Variants in ZNF418 observed in about 807,000 individuals in gnomAD.
The protein encoded by ZNF418 is zinc finger protein 418.
ZNF418 carries 32 observed loss-of-function variants against 32.0 expected under a neutral mutation model. The ratio of observed to expected loss-of-function variants is 1.00; its 90% CI spans 0.75 to 1.34. The LOEUF (loss-of-function observed/expected upper bound fraction) is 1.34. ZNF418 is among the 40% of genes most tolerant of loss of function. The probability of loss-of-function intolerance (pLI) is 0.00; values close to 1 mark genes in which losing one functional copy is unlikely to be tolerated. For missense variants in ZNF418, 804 were observed against 812.5 expected, an observed-to-expected ratio of 0.99 and a Z score of 0.13; for synonymous variants, 276 against 270.7, an observed-to-expected ratio of 1.02 and a Z score of -0.19.
Position 57,925,843 on chromosome 19 carries a change from A to G in ZNF418, c.*307T>C. The stretch of plus-strand genomic sequence containing the variant: ...ATGCTGAAGGTATGTCAATTTAGGC[A>G]GATGGCTCCGTCATAAGGCATCTCC... On this transcript the variant is annotated 3_prime_UTR_variant, in exon 4 of 6. Coordinates refer to ENST00000396147, the MANE Select transcript of ZNF418 (RefSeq NM_133460.3). 1 of 292,468 alleles carries G rather than the reference A, an allele frequency of 3.4e-6. No individual in the cohort carries two copies. The highest frequency in any genetic ancestry group is 6.0e-5 in the East Asian group (1 of 16,732). 18.1% of individuals were successfully genotyped at this position (292,468 alleles called of 1,614,324 possible). A position where few individuals can be genotyped will look rare whatever the true frequency, so the allele number is the denominator to read the frequency against.
intron 4 of ZNF418, among the ~76,000 whole-genome samples, chr19:57,925,095 C>T (rs1274577433): frequency 6.6e-6 from 1 of 152,070 alleles, no homozygotes; most frequent in Non-Finnish European, 1.5e-5. Context: ...AACAATAAGG[C>T]CTTATTCATT....
At position 57,926,637 on chromosome 19, in the gene ZNF418, C is replaced by A; in HGVS notation, c.1544G>T (p.Cys515Phe). Residue 515 changes from cysteine to phenylalanine, a missense_variant, in exon 4 of 6, where the codon TGT (cysteine) becomes TTT (phenylalanine). Around this residue, in one of 3 missense-constraint regions of ZNF418, gnomAD observed 475 missense variants for 458.6 expected, o/e 1.04. Transcript: ENST00000396147. ...ACAGCTTTGAGGAAATGACTTCCCA[C>A]ATTCACTACACTCAAACGGTTTTTC... ...TGEKPFECSE[C>F]GKSFPQSCSL... 6.2e-7 allele frequency: 1 copy of A among 1,614,162 alleles called. No homozygotes were observed. The highest frequency in any genetic ancestry group is 8.5e-7 in the Non-Finnish European group (1 of 1,180,024).
At chr19:57,929,849 A>AT (rs758966766) in intron 3 of ZNF418, among the ~76,000 whole-genome samples, 56 of 152,014 alleles carry the variant, frequency 3.7e-4, no homozygotes, top group Non-Finnish European at 6.2e-4. Context: ...CGCCCAGCTA[A>AT]TTTTTTTGTA....
chr19:57,934,521 A>G (rs1045683714), intron 1 of ZNF418, among the ~76,000 whole-genome samples: 28 of 152,096 alleles, frequency 1.8e-4, no homozygotes, highest in Non-Finnish European at 4.0e-4. Flanking sequence ...CGACCCCCTC[A>G]GTGGGTTCTT....
At chr19:57,932,015 C>T (rs2072507220) in intron 2 of ZNF418, among the ~76,000 whole-genome samples, 1 of 152,226 alleles carries the variant, frequency 6.6e-6, no homozygotes, top group Non-Finnish European at 1.5e-5. Context: ...AAATAACTCA[C>T]AGCCTGGCAG....
chr19:57,928,053 A>C lies in ZNF418; in HGVS notation c.134-6T>G, dbSNP rs369866490. 8 of 1,521,144 alleles carry C rather than the reference A, an allele frequency of 5.3e-6. No individual in the cohort carries two copies. The highest frequency in any genetic ancestry group is 7.1e-6 in the Non-Finnish European group (8 of 1,133,052). 94.2% of individuals were successfully genotyped at this position (1,521,144 alleles called of 1,614,324 possible). A position where few individuals can be genotyped will look rare whatever the true frequency, so the allele number is the denominator to read the frequency against. ...TTCTGATCCACACCAACAACCTGAA[A>C]GCAAGAAAATGCTGATGAATTCAAG... On this transcript the variant is annotated splice_region_variant and splice_polypyrimidine_tract_variant and intron_variant, in intron 3 of 5. Transcript: ENST00000396147.
At chr19:57,923,535 T>C (rs1442532420) in intron 4 of ZNF418, among the ~76,000 whole-genome samples, 5 of 131,282 alleles carry the variant, frequency 3.8e-5, no homozygotes, top group Non-Finnish European at 4.9e-5. Flanking sequence ...TACATATATA[T>C]ACATACACAC....
intron 3 of ZNF418, among the ~76,000 whole-genome samples, chr19:57,928,866 C>T (rs1347485637): frequency 5.3e-5 from 8 of 151,924 alleles, no homozygotes; most frequent in Admixed American, 2.6e-4. Context: ...TGGTGGCGGG[C>T]GCCTGTAGTC....
Position 57,926,665 on chromosome 19 carries a change from C to T in ZNF418, c.1516G>A (p.Gly506Arg). The T allele has an allele frequency of 3.1e-6, 5 of 1,614,012 alleles. No homozygotes were observed. Among genetic ancestry groups the T allele is most frequent in the Non-Finnish European group, 4.2e-6 (5 of 1,180,014 alleles). ...TCACTACACTCAAACGGTTTTTCTC[C>T]AGTGTGAACTCTCTGATGAACACGA... Reference protein sequence around the residue: ...GFRVHQRVHTGEKPFECSECG... With the variant: ...GFRVHQRVHTREKPFECSECG... Residue 506 changes from glycine (G) to arginine (R), a missense_variant, in exon 4 of 6, where the codon GGA becomes AGA. Around this residue, in one of 3 missense-constraint regions of ZNF418, gnomAD observed 475 missense variants for 458.6 expected, o/e 1.04. Coordinates refer to ENST00000396147, the MANE Select transcript of ZNF418 (RefSeq NM_133460.3).
intron 3 of ZNF418, among the ~76,000 whole-genome samples, chr19:57,929,745 C>T (rs750587494): frequency 9.3e-5 from 14 of 151,064 alleles, no homozygotes; most frequent in Admixed American, 2.6e-4. Context: ...TGCAGTGGTG[C>T]GATCTCAGCT....
Position 57,930,495 on chromosome 19 carries a change from AAG to A in ZNF418, c.64_65del (p.Leu22Ter). 6.2e-7 allele frequency: 1 copy of A among 1,614,100 alleles called. No individual in the cohort carries two copies. The highest frequency in any genetic ancestry group is 1.1e-5 in the South Asian group (1 of 91,080). On this transcript the variant is annotated frameshift_variant, in exon 3 of 6. Transcript: ENST00000396147. LOFTEE classifies it high-confidence loss of function. ...VNFSQEEWSLLSEVQRCLYHD... is the reference protein window; with the variant it reads ...VNFSQEEWSLXSEVQRCLYHD... ...GGTAAAGGCATCTCTGAACCTCACTAAGGAGACTCCACTCCTCCTGGGAAAAG... is the reference window on the plus strand; with the variant it reads ...GGTAAAGGCATCTCTGAACCTCACTAGAGACTCCACTCCTCCTGGGAAAAG...
In ZNF418 at chr19:57,927,933, G is replaced by C; in HGVS notation, c.248C>G (p.Ser83Cys). The C allele has an allele frequency of 1.2e-6, 2 of 1,613,994 alleles. No individual in the cohort carries two copies. The highest frequency in any genetic ancestry group is 3.3e-5 in the Admixed American group (2 of 59,994). ...GAGVSPKKAH[S>C]CEMCGAILGD... Reference sequence around the variant, plus strand: ...CAAGATCGCGCCACACATTTCACAAGAGTGGGCCTTCTTGGGAGACACACC... The same window carrying C: ...CAAGATCGCGCCACACATTTCACAACAGTGGGCCTTCTTGGGAGACACACC... Residue 83 changes from serine to cysteine, a missense_variant, in exon 4 of 6, where the codon TCT (serine) becomes TGT (cysteine). Physicochemically the swap from Ser to Cys is moderately radical, Grantham distance 112 (BLOSUM62 -1). Coordinates refer to ENST00000396147, the MANE Select transcript of ZNF418 (RefSeq NM_133460.3).
In ZNF418 at chr19:57,927,530, T is replaced by C; in HGVS notation, c.651A>G (p.Val217=). 1 of 1,614,222 alleles carries C rather than the reference T, an allele frequency of 6.2e-7. No homozygotes were observed. Among genetic ancestry groups the C allele is most frequent in the Admixed American group, 1.7e-5 (1 of 60,026 alleles). ...ECMKHSSTKH[V]FVQQQRLPSR... ...AGGGAAGTCTCTGCTGTTGAACAAA[T>C]ACGTGTTTGGTGCTAGAATGTTTCA... The change falls in exon 4 of 6, where the codon GTA becomes GTG. Residue 217 remains valine (V), a synonymous_variant. Coordinates refer to ENST00000396147, the MANE Select transcript of ZNF418 (RefSeq NM_133460.3).
intron 2 of ZNF418, among the ~76,000 whole-genome samples, chr19:57,931,200 A>G (rs2072474746): frequency 1.3e-5 from 2 of 151,924 alleles, no homozygotes; most frequent in South Asian, 4.2e-4. Flanking sequence ...CTCTAAATAC[A>G]CATCCTTCTT....
chr19:57,930,240 T>C (rs139087559), intron 3 of ZNF418, among the ~76,000 whole-genome samples, 188 bp downstream of exon 3: 10 of 152,186 alleles, frequency 6.6e-5, no homozygotes, highest in African/African-American at 2.2e-4. Context: ...AAAGCACGTA[T>C]TGGGACTGCT....
chr19:57,931,993 A>G (rs1387969740), intron 2 of ZNF418, among the ~76,000 whole-genome samples: 1 of 152,246 alleles, frequency 6.6e-6, no homozygotes, highest in Non-Finnish European at 1.5e-5. Flanking sequence ...CATCCACAGC[A>G]ATTTCAAAAT....
intron 4 of ZNF418, among the ~76,000 whole-genome samples, chr19:57,923,502 A>G (rs1056008093): frequency 3.3e-5 from 5 of 150,154 alleles, no homozygotes; most frequent in Non-Finnish European, 7.4e-5. Context: ...ATATACATAT[A>G]TACACACACA....
chr19:57,927,533 G>T lies in ZNF418; in HGVS notation c.648C>A (p.His216Gln). The T allele has an allele frequency of 6.2e-7, 1 of 1,614,190 alleles. No individual in the cohort carries two copies. Among genetic ancestry groups the T allele is most frequent in the Non-Finnish European group, 8.5e-7 (1 of 1,180,026 alleles). Residue 216 changes from histidine to glutamine, a missense_variant, in exon 4 of 6, where the codon CAC becomes CAA. Coordinates refer to ENST00000396147, the MANE Select transcript of ZNF418 (RefSeq NM_133460.3). The part of the protein sequence containing the change: ...GECMKHSSTK[H>Q]VFVQQQRLPS... ...GAAGTCTCTGCTGTTGAACAAATAC[G>T]TGTTTGGTGCTAGAATGTTTCATGC... is the stretch of plus-strand genomic sequence containing the variant.
At chr19:57,925,257 G>A (rs758429075) in intron 4 of ZNF418, among the ~76,000 whole-genome samples, 11 of 152,052 alleles carry the variant, frequency 7.2e-5, no homozygotes, top group Admixed American at 1.3e-4. Flanking sequence ...TCAGGAGATC[G>A]AGACCATCCT....
Sources: gnomAD v4.1 joint callset for allele counts (sites outside exome capture counted in the v4.1 genomes callset) on GRCh38, gnomAD v4.1.1 for gene constraint, gnomAD v4.1.1 regional missense constraint, MANE v1.5 for transcripts, NCBI Gene and HGNC (gene_info 2026-07-23, HGNC 2026-07-21) for gene names.